Variants in LPL observed in about 807,000 individuals in gnomAD.
The protein encoded by LPL is phospholipase A1.
Under a neutral mutation model 52.2 loss-of-function variants are expected in LPL, and 43 were observed. The ratio of observed to expected loss-of-function variants is 0.82; its 90% CI spans 0.64 to 1.06. The LOEUF (loss-of-function observed/expected upper bound fraction) is 1.06. Ranked by LOEUF, LPL falls within the 50% of genes least tolerant of loss-of-function variation. The pLI, the probability that LPL is intolerant of heterozygous loss-of-function variation, is 0.00. For missense variants in LPL, 639 were observed against 585.3 expected (o/e 1.09, Z -0.95); for synonymous variants, 244 against 215.6 (o/e 1.13, Z -1.15).
intron 9 of LPL, among the ~76,000 whole-genome samples, 161 bp downstream of exon 9, chr8:19,962,380 T>C (rs2070047781): frequency 6.6e-6 from 1 of 152,260 alleles, no homozygotes; most frequent in South Asian, 2.1e-4. Flanking sequence ...ATGTATCAAA[T>C]GGGTCTGTTG....
intron 2 of LPL, among the ~76,000 whole-genome samples, chr8:19,951,294 G>A (rs2069931984): frequency 1.3e-5 from 2 of 152,164 alleles, no homozygotes; most frequent in African/African-American, 4.8e-5. Context: ...CTGAAGAAAT[G>A]ACATCAACCT....
rs1375816156 is a variant in LPL at position 19,955,280 on chromosome 8, T to G, written c.776-561T>G. ...AACAATTACCCTCTTAAGATGTGGT[T>G]TCTAGAAATACAAATTGTCCCTAAC... is the stretch of plus-strand genomic sequence containing the variant. On this transcript the variant is annotated intron_variant, in intron 5 of 9. Transcript: ENST00000650287. 6.6e-5 allele frequency among the ~76,000 whole-genome samples: 10 copies of G among 152,170 alleles called. 1 individual carries two copies. Among genetic ancestry groups the G allele is most frequent in the Admixed American group, 6.5e-4 (10 of 15,282 alleles).
rs118204069 is a variant in LPL, at chr8:19,951,856, T to C, written c.337T>C (p.Trp113Arg). 6.2e-6 allele frequency: 10 copies of C among 1,614,050 alleles called. No individual in the cohort carries two copies. The highest frequency in any genetic ancestry group is 7.6e-6 in the Non-Finnish European group (9 of 1,180,030). Residue 113 changes from tryptophan to arginine, a missense_variant, in exon 3 of 10, where the codon TGG becomes CGG. Physicochemically the swap from Trp to Arg is moderately radical, Grantham distance 101. Transcript: ENST00000650287. ...EPDSNVIVVD[W>R]LSRAQEHYPV... The stretch of plus-strand genomic sequence containing the variant: ...AGACTCCAATGTCATTGTGGTGGAC[T>C]GGCTGTCACGGGCTCAGGAGCATTA...
At chr8:19,957,940 T>C (rs1051778077) in intron 6 of LPL, among the ~76,000 whole-genome samples, 1 of 151,794 alleles carries the variant, frequency 6.6e-6, no homozygotes, top group African/African-American at 2.4e-5. Context: ...AAGAAAAAAA[T>C]CTGACCAAGG....
At position 19,944,323 on chromosome 8, in the gene LPL, C is replaced by T. The variant is rs2069865507; in HGVS notation, c.89-3857C>T. On this transcript the variant is annotated intron_variant, in intron 1 of 9. Transcript: ENST00000650287. The surrounding 1 kb of genome is among the most constrained non-coding windows in gnomAD (Gnocchi z 4.2). ...ATATTGATGTTTTTCTTCACCAAAT[C>T]GACCACATCAGTAATTCACTTTGTT... is the stretch of plus-strand genomic sequence containing the variant. Among the ~76,000 whole-genome samples the T allele has an allele frequency of 6.6e-6, 1 of 152,132 alleles. No homozygotes were observed. The highest frequency in any genetic ancestry group is 6.5e-5 in the Admixed American group (1 of 15,284).
Position 19,959,375 on chromosome 8 carries a change from C to G in LPL, c.1134C>G (p.Phe378Leu). ...GTVAESENIPFTLPEVSTNKT... is the reference protein window; with the variant it reads ...GTVAESENIPLTLPEVSTNKT... Reference sequence around the variant, plus strand: ...TGGCCGAGAGTGAGAACATCCCATTCACTCTGTGAGTAGCACAGGGGGGCG... The same window carrying G: ...TGGCCGAGAGTGAGAACATCCCATTGACTCTGTGAGTAGCACAGGGGGGCG... Residue 378 changes from phenylalanine to leucine, a missense_variant, in exon 7 of 10, where the codon TTC becomes TTG. Phe to Leu is a conservative substitution (Grantham distance 22). Transcript: ENST00000650287. The G allele has an allele frequency of 6.2e-7, 1 of 1,614,106 alleles. No individual in the cohort carries two copies. Among genetic ancestry groups the G allele is most frequent in the Non-Finnish European group, 8.5e-7 (1 of 1,179,994 alleles).
intron 1 of LPL, among the ~76,000 whole-genome samples, chr8:19,943,197 C>G (rs997250999): frequency 1.3e-5 from 2 of 152,168 alleles, no homozygotes; most frequent in African/African-American, 4.8e-5. Context: ...TAATACCATT[C>G]TGGCTTGGAT....
intron 7 of LPL, among the ~76,000 whole-genome samples, chr8:19,960,617 C>T (rs1314819812): frequency 2.0e-5 from 3 of 152,108 alleles, no homozygotes; most frequent in Non-Finnish European, 4.4e-5. Flanking sequence ...AAAAGGAATA[C>T]ATGAAAATGA....
chr8:19,963,856 T>C (rs1334920810), intron 9 of LPL, among the ~76,000 whole-genome samples: 1 of 152,138 alleles, frequency 6.6e-6, no homozygotes, highest in Non-Finnish European at 1.5e-5. Context: ...TTCTAAGAGG[T>C]TATTACGTTG....
rs299 is a variant in LPL, at chr8:19,959,369, C to T, written c.1128C>T (p.Ile376=). ...GCACCGTGGCCGAGAGTGAGAACAT[C>T]CCATTCACTCTGTGAGTAGCACAGG... ...LYGTVAESEN[I]PFTLPEVSTN... is the part of the protein sequence containing the mutation. Residue 376 remains isoleucine, a synonymous_variant, in exon 7 of 10, where the codon ATC becomes ATT. Transcript: ENST00000650287. The T allele has an allele frequency of 2.5e-4, 411 of 1,614,078 alleles. 2 individuals carry two copies. In the African/African-American group the frequency reaches 4.9e-3, roughly 19 times the overall value.
In LPL at chr8:19,954,304, A is replaced by C. The variant is rs2069963475; in HGVS notation, c.726A>C (p.Gly242=). The change falls in exon 5 of 10, where the codon GGA becomes GGC. Residue 242 remains glycine (G), a synonymous_variant. Coordinates refer to ENST00000650287, the MANE Select transcript of LPL (RefSeq NM_000237.3). ...IYPNGGTFQP[G]CNIGEAIRVI... Reference sequence around the variant, plus strand: ...CGAATGGAGGTACTTTTCAGCCAGGATGTAACATTGGAGAAGCTATCCGCG... The same window carrying C: ...CGAATGGAGGTACTTTTCAGCCAGGCTGTAACATTGGAGAAGCTATCCGCG... 1 of 1,614,098 alleles carries C rather than the reference A, an allele frequency of 6.2e-7. No individual in the cohort carries two copies. Among genetic ancestry groups the C allele is most frequent in the South Asian group, 1.1e-5 (1 of 91,084 alleles).
intron 6 of LPL, among the ~76,000 whole-genome samples, chr8:19,957,586 C>T (rs928799085): frequency 2.0e-5 from 3 of 152,162 alleles, no homozygotes; most frequent in African/African-American, 4.8e-5. Flanking sequence ...CCTAGGGGCA[C>T]CTCACCACTC....
intron 3 of LPL, among the ~76,000 whole-genome samples, chr8:19,953,108 C>T (rs934645588): frequency 3.3e-5 from 5 of 151,890 alleles, no homozygotes; most frequent in African/African-American, 9.7e-5. Context: ...GATTTGTTTA[C>T]GGAAAAGTGA....
At chr8:19,940,920 G>A (rs973658879) in intron 1 of LPL, among the ~76,000 whole-genome samples, 9 of 150,594 alleles carry the variant, frequency 6.0e-5, no homozygotes, top group African/African-American at 1.5e-4. Context: ...GGGAGACACC[G>A]TCTCTATAAA....
rs1424399414 is a variant in LPL at position 19,965,750 on chromosome 8, T to A, written c.*440T>A. The A allele has an allele frequency of 1.2e-5, 2 of 163,670 alleles. No individual in the cohort carries two copies. The highest frequency in any genetic ancestry group is 4.8e-5 in the African/African-American group (2 of 41,682). The allele number at this position is 163,670 out of a possible 1,614,324, so 10.1% of individuals were successfully genotyped here. On this transcript the variant is annotated 3_prime_UTR_variant, in exon 10 of 10. Transcript: ENST00000650287. The stretch of plus-strand genomic sequence containing the variant: ...TCTAAGTCTCCAAGAATACAGAAAA[T>A]GCTTTTCCGCGGCACGAATCAGACT...
intron 1 of LPL, among the ~76,000 whole-genome samples, chr8:19,940,889 G>A (rs992010670): frequency 1.3e-5 from 2 of 152,114 alleles, no homozygotes; most frequent in Non-Finnish European, 2.9e-5. Context: ...CCAGAAGTTC[G>A]AAATCAGCCT....
chr8:19,955,263 C>A (rs1416210616), intron 5 of LPL, among the ~76,000 whole-genome samples: 2 of 152,260 alleles, frequency 1.3e-5, no homozygotes, highest in African/African-American at 4.8e-5. Context: ...TTAACAATTA[C>A]CCTCTTAAGA....
intron 2 of LPL, among the ~76,000 whole-genome samples, chr8:19,948,946 A>AG (rs2069908274): frequency 6.6e-6 from 1 of 151,880 alleles, no homozygotes; most frequent in Non-Finnish European, 1.5e-5. Context: ...AAAAAAAAAA[A>AG]GGGCTGGGCA....
intron 6 of LPL, among the ~76,000 whole-genome samples, chr8:19,958,084 A>T (rs1161349556): frequency 6.6e-6 from 1 of 151,558 alleles, no homozygotes; most frequent in Non-Finnish European, 1.5e-5. Flanking sequence ...CAGCGGCGCA[A>T]TCTTAGCTCA....
Sources: gnomAD v4.1 joint callset for allele counts (sites outside exome capture counted in the v4.1 genomes callset) on GRCh38, gnomAD v4.1.1 for gene constraint, Gnocchi (gnomAD v3.1) non-coding constraint, MANE v1.5 for transcripts, NCBI Gene and HGNC (gene_info 2026-07-23, HGNC 2026-07-21) for gene names.